Variants in AGAP1 observed in about 807,000 individuals in gnomAD.
The protein encoded by AGAP1 is ArfGAP with GTPase domain, ankyrin repeat and PH domain 1, also known as arf-GAP with GTPase, ANK repeat and PH domain-containing protein 1.
In AGAP1, 29 loss-of-function variants were observed where a neutral mutation model predicts 105.3. That is an observed-to-expected ratio of 0.28 (90% CI 0.21 to 0.38). AGAP1 has a LOEUF of 0.38. Ranked by LOEUF, AGAP1 falls within the 10% of genes least tolerant of loss-of-function variation. The pLI is 1.00. For missense variants in AGAP1, 998 were observed against 1,165.1 expected (o/e 0.86, Z 2.09); for synonymous variants, 509 against 485.9 (o/e 1.05, Z -0.63).
intron 6 of AGAP1, among the ~76,000 whole-genome samples, chr2:235,780,076 T>C (rs1230677922): frequency 6.6e-6 from 1 of 151,920 alleles, no homozygotes. Flanking sequence ...CCTAAAAGAG[T>C]GTTTGAAATA....
rs906527179 is a variant in AGAP1 at position 235,997,051 on chromosome 2, A to AT, written c.1645+28429dup. Among the ~76,000 whole-genome samples the AT allele has an allele frequency of 8.2e-4, 125 of 152,332 alleles. 1 individual carries two copies. The highest frequency in any genetic ancestry group is 2.7e-3 in the African/African-American group (112 of 41,570). On this transcript the variant is annotated intron_variant, in intron 13 of 17. Transcript: ENST00000304032. ...TGAAGACAGGAGTGTGTGTGCATGC[A>AT]TAGGTACATAGATACATGCATATTG...
rs772442041 is a variant in AGAP1, at chr2:236,104,331, C to T, written c.2115-15861C>T. Among the ~76,000 whole-genome samples, 1 of 152,256 alleles carries T rather than the reference C, an allele frequency of 6.6e-6. No homozygotes were observed. The highest frequency in any genetic ancestry group is 1.5e-5 in the Non-Finnish European group (1 of 68,044). Reference sequence around the variant, plus strand: ...CTCCATCCTGTTCCATCCCCAGTGCCCTCTGACTGCACGGGGCTGAGAAGT... The same window carrying T: ...CTCCATCCTGTTCCATCCCCAGTGCTCTCTGACTGCACGGGGCTGAGAAGT... On this transcript the variant is annotated intron_variant, in intron 16 of 17. Coordinates refer to ENST00000304032, the MANE Select transcript of AGAP1 (RefSeq NM_001037131.3). The surrounding 1 kb of genome is among the most constrained non-coding windows in gnomAD (Gnocchi z 4.7).
intron 1 of AGAP1, among the ~76,000 whole-genome samples, chr2:235,581,023 G>T (rs1431475133): frequency 2.6e-5 from 4 of 151,660 alleles, no homozygotes; most frequent in Admixed American, 2.0e-4. Context: ...GAGGTGTGGA[G>T]TGGAGGCTTT....
Position 235,729,302 on chromosome 2 carries a change from A to G in AGAP1, c.310+11658A>G, listed in dbSNP as rs1441870926. Among the ~76,000 whole-genome samples, 1 of 152,064 alleles carries G rather than the reference A, an allele frequency of 6.6e-6. No individual in the cohort carries two copies. The highest frequency in any genetic ancestry group is 1.5e-5 in the Non-Finnish European group (1 of 68,022). On this transcript the variant is annotated intron_variant, in intron 3 of 17. Coordinates refer to ENST00000304032, the MANE Select transcript of AGAP1 (RefSeq NM_001037131.3). This position sits in a 1 kb window ranked among gnomAD's most constrained non-coding sequence, Gnocchi z 5.0. ...AGGTGTGTTTGGGCCGTCTAGAACC[A>G]TGTGACCTGGCAGCCACTTCAACTT...
At position 235,842,841 on chromosome 2, in the gene AGAP1, C is replaced by T. The variant is rs1402737797; in HGVS notation, c.1050+35510C>T. On this transcript the variant is annotated intron_variant, in intron 9 of 17. Transcript: ENST00000304032. The surrounding 1 kb of genome is among the most constrained non-coding windows in gnomAD (Gnocchi z 5.3). ...CTCCCAGGTTCAAGTGATTCTTCTG[C>T]CTCAGCCTCCCGACTAGCTGGGATT... 1.3e-5 allele frequency among the ~76,000 whole-genome samples: 2 copies of T among 149,764 alleles called. No individual in the cohort carries two copies. The highest frequency in any genetic ancestry group is 6.6e-5 in the Admixed American group (1 of 15,100).
intron 1 of AGAP1, among the ~76,000 whole-genome samples, chr2:235,513,941 C>T (rs1212348497): frequency 1.3e-5 from 2 of 152,226 alleles, no homozygotes; most frequent in Non-Finnish European, 2.9e-5. Flanking sequence ...TGATTGAGCT[C>T]TTCCAAATAA....
rs1355021286 is a variant in AGAP1, at chr2:236,131,491, T to G, written c.*7369T>G. 2 of 152,204 alleles carry G rather than the reference T, an allele frequency of 1.3e-5. No homozygotes were observed. Among genetic ancestry groups the G allele is most frequent in the African/African-American group, 4.8e-5 (2 of 41,442 alleles). 9.4% of individuals were successfully genotyped at this position (152,204 alleles called of 1,614,324 possible). ...TGTATCCACAGATGGGTTTAGGTTTTTTTTTTGGATGTTTTCTATTACCTC... is the reference window on the plus strand; with the variant it reads ...TGTATCCACAGATGGGTTTAGGTTTGTTTTTTGGATGTTTTCTATTACCTC... On this transcript the variant is annotated 3_prime_UTR_variant, in exon 18 of 18. Coordinates refer to ENST00000304032, the MANE Select transcript of AGAP1 (RefSeq NM_001037131.3). The surrounding 1 kb of genome is among the most constrained non-coding windows in gnomAD (Gnocchi z 5.9).
chr2:236,046,149 G>A lies in AGAP1; in HGVS notation c.1892-2910G>A. 1 of 408,968 alleles carries A rather than the reference G, an allele frequency of 2.4e-6. No individual in the cohort carries two copies. Among genetic ancestry groups the A allele is most frequent in the Non-Finnish European group, 5.2e-6 (1 of 193,942 alleles). 25.3% of individuals were successfully genotyped at this position (408,968 alleles called of 1,614,324 possible). A position where few individuals can be genotyped will look rare whatever the true frequency, so the allele number is the denominator to read the frequency against. On this transcript the variant is annotated intron_variant, in intron 15 of 17. Transcript: ENST00000304032. The surrounding 1 kb of genome is among the most constrained non-coding windows in gnomAD (Gnocchi z 5.2). ...GCATAGGAACCAAATCGGAGGTTCT[G>A]GTAAGAGCTTAGGCAAGTGGCTATG...
chr2:235,579,168 A>G (rs1284822473), intron 1 of AGAP1, among the ~76,000 whole-genome samples: 2 of 152,154 alleles, frequency 1.3e-5, no homozygotes, highest in Non-Finnish European at 2.9e-5. Flanking sequence ...ATAAGGGCGC[A>G]CTGTGTCAGC....
intron 1 of AGAP1, among the ~76,000 whole-genome samples, chr2:235,502,003 G>T (rs1310984310): frequency 1.3e-5 from 2 of 152,080 alleles, no homozygotes; most frequent in African/African-American, 4.8e-5. Context: ...TTTATTCAGG[G>T]GTACAAGTGC....
chr2:235,895,568 C>T (rs1023657827), intron 10 of AGAP1, among the ~76,000 whole-genome samples: 1 of 152,192 alleles, frequency 6.6e-6, no homozygotes, highest in Non-Finnish European at 1.5e-5. Context: ...CCTATTTGGG[C>T]ACCCATGCTG....
chr2:236,109,129 T>C lies in AGAP1; in HGVS notation c.2115-11063T>C, dbSNP rs2125930070. ...CTCTCTGAAGGTAGTTGTGTGTAGG[T>C]GTGACTCTCCCCGCGCTCTCCAGGT... On this transcript the variant is annotated intron_variant, in intron 16 of 17. Coordinates refer to ENST00000304032, the MANE Select transcript of AGAP1 (RefSeq NM_001037131.3). This position sits in a 1 kb window ranked among gnomAD's most constrained non-coding sequence, Gnocchi z 5.4. 6.6e-6 allele frequency among the ~76,000 whole-genome samples: 1 copy of C among 152,090 alleles called. No individual in the cohort carries two copies. Among genetic ancestry groups the C allele is most frequent in the East Asian group, 1.9e-4 (1 of 5,174 alleles).
chr2:236,058,683 C>G lies in AGAP1; in HGVS notation c.2114+9402C>G, dbSNP rs2058110025. ...ATCACAAACAAGACAAGAATGTCAC[C>G]AGATCTGTTCAGCATTATACTGGAG... On this transcript the variant is annotated intron_variant, in intron 16 of 17. Coordinates refer to ENST00000304032, the MANE Select transcript of AGAP1 (RefSeq NM_001037131.3). The surrounding 1 kb of genome is among the most constrained non-coding windows in gnomAD (Gnocchi z 4.6). Among the ~76,000 whole-genome samples the G allele has an allele frequency of 6.6e-6, 1 of 152,124 alleles. No homozygotes were observed. The highest frequency in any genetic ancestry group is 1.5e-5 in the Non-Finnish European group (1 of 68,026).
rs1295273411 is a variant in AGAP1 at position 235,705,001 on chromosome 2, CAG to C, written c.164-4175_164-4174del. Among the ~76,000 whole-genome samples, 50 of 104,794 alleles carry C rather than the reference CAG, an allele frequency of 4.8e-4. No homozygotes were observed. Among genetic ancestry groups the C allele is most frequent in the Non-Finnish European group, 8.1e-4 (44 of 54,220 alleles). The allele number at this position is 104,794 out of a possible 152,430, so 68.7% of individuals were successfully genotyped here. A position where few individuals can be genotyped will look rare whatever the true frequency, so the allele number is the denominator to read the frequency against. On this transcript the variant is annotated intron_variant, in intron 1 of 17. Coordinates refer to ENST00000304032, the MANE Select transcript of AGAP1 (RefSeq NM_001037131.3). This position sits in a 1 kb window ranked among gnomAD's most constrained non-coding sequence, Gnocchi z 4.9. Reference sequence around the variant, plus strand: ...TTTTTTTTTTTTTTTTTTTTTGCGACAGAGTCTCACTCTGTTGCCCAGGCTGG... The same window carrying C: ...TTTTTTTTTTTTTTTTTTTTTGCGACAGTCTCACTCTGTTGCCCAGGCTGG...
chr2:235,706,809 T>C (rs149174410), intron 1 of AGAP1, among the ~76,000 whole-genome samples: 17 of 152,346 alleles, frequency 1.1e-4, no homozygotes, highest in Non-Finnish European at 2.4e-4. Context: ...GTCATCATCA[T>C]TGACCTTTCA....
chr2:235,909,222 G>A lies in AGAP1; in HGVS notation c.1324+316G>A, dbSNP rs370094841. On this transcript the variant is annotated intron_variant, in intron 11 of 17. Transcript: ENST00000304032. ...ATCCTTCTGAAAAACGTGAATTAAC[G>A]TTAAAGTGTCAAAGATTAACTCATT... 3.7e-4 allele frequency among the ~76,000 whole-genome samples: 56 copies of A among 152,300 alleles called. No individual in the cohort carries two copies. The East Asian group carries it at 7.5e-3, about 20-fold the overall frequency.
Position 235,807,467 on chromosome 2 carries a change from C to CA in AGAP1, c.1050+138dup. Reference sequence around the variant, plus strand: ...AATGTAGAAGTCTCTCACTTGACATCAATTAGCAGAGTTCCTGTGTGTATT... The same window carrying CA: ...AATGTAGAAGTCTCTCACTTGACATCAAATTAGCAGAGTTCCTGTGTGTATT... On this transcript the variant is annotated intron_variant, in intron 9 of 17. Transcript: ENST00000304032. 5.9e-6 allele frequency: 4 copies of CA among 677,000 alleles called. No homozygotes were observed. In the South Asian group the frequency reaches 6.9e-5, roughly 12 times the overall value. 41.9% of individuals were successfully genotyped at this position (677,000 alleles called of 1,614,324 possible).
intron 16 of AGAP1, among the ~76,000 whole-genome samples, chr2:236,065,680 C>A (rs773023099): frequency 6.6e-6 from 1 of 152,162 alleles, no homozygotes; most frequent in African/African-American, 2.4e-5. Context: ...CCATTGTTGC[C>A]GGAACACATC....
At chr2:235,704,891 G>A (rs1950447716) in intron 1 of AGAP1, among the ~76,000 whole-genome samples, 1 of 151,550 alleles carries the variant, frequency 6.6e-6, no homozygotes, top group Non-Finnish European at 1.5e-5. Flanking sequence ...AGTGGTCGGC[G>A]AGCCCGGCAC....
Sources: gnomAD v4.1 joint callset for allele counts (sites outside exome capture counted in the v4.1 genomes callset) on GRCh38, gnomAD v4.1.1 for gene constraint, Gnocchi (gnomAD v3.1) non-coding constraint, MANE v1.5 for transcripts, NCBI Gene and HGNC (gene_info 2026-07-23, HGNC 2026-07-21) for gene names.